The following NRP2 variants were observed in gnomAD, a reference collection of about 807,000 sequenced individuals.
NRP2 encodes neuropilin 2, also known as neuropilin-2.
In NRP2, 52 loss-of-function variants were observed where a neutral mutation model predicts 110.4. The observed-to-expected ratio is 0.47, with a 90% CI of 0.38 to 0.59. The LOEUF is 0.59. Ranked by LOEUF, NRP2 falls within the 20% of genes least tolerant of loss-of-function variation. The pLI is 0.00. For synonymous variants in NRP2, 508 were observed against 468.9 expected (o/e 1.08, Z -1.08); for missense variants, 1,049 against 1,203.0 (o/e 0.87, Z 1.89).
intron 3 of NRP2, among the ~76,000 whole-genome samples, chr2:205,717,878 G>A (rs1007496326): frequency 1.3e-4 from 20 of 152,196 alleles, no homozygotes; most frequent in Non-Finnish European, 2.4e-4. Flanking sequence ...CCCTTTGCAC[G>A]TAACAGATTC....
intron 13 of NRP2, 67 bp downstream of exon 13, chr2:205,764,003 C>A: frequency 6.3e-7 from 1 of 1,587,238 alleles, no homozygotes; most frequent in South Asian, 1.1e-5. Context: ...GCCCATTCAT[C>A]GTTAGGGAAC....
chr2:205,726,125 T>C (rs375470662), intron 6 of NRP2, 43 bp downstream of exon 6: 3 of 1,605,400 alleles, frequency 1.9e-6, no homozygotes, highest in Non-Finnish European at 2.6e-6. Context: ...GTGTATGTAT[T>C]GCTGGGGTAG....
At chr2:205,789,846 G>A (rs868382162) in intron 15 of NRP2, among the ~76,000 whole-genome samples, 3 of 152,332 alleles carry the variant, frequency 2.0e-5, no homozygotes, top group African/African-American at 7.2e-5. Context: ...CTGGTAAAGG[G>A]CAAAGATGCT....
At chr2:205,707,015 C>T (rs891036485) in intron 2 of NRP2, among the ~76,000 whole-genome samples, 5 of 152,212 alleles carry the variant, frequency 3.3e-5, no homozygotes, top group Admixed American at 3.3e-4. Context: ...TTAGAGACTT[C>T]CTGTAATCTG....
chr2:205,728,622 G>A (rs948704960), intron 7 of NRP2, among the ~76,000 whole-genome samples: 9 of 152,220 alleles, frequency 5.9e-5, no homozygotes, highest in African/African-American at 7.2e-5. Context: ...TGCGGCTCCC[G>A]GAGGTGTGGT....
At chr2:205,731,686 G>A (rs1480060488) in intron 7 of NRP2, among the ~76,000 whole-genome samples, 3 of 152,226 alleles carry the variant, frequency 2.0e-5, no homozygotes, top group Non-Finnish European at 2.9e-5. Context: ...GATGCATTTG[G>A]AAGAAATTTG....
At chr2:205,745,063 G>A (rs553459331) in intron 9 of NRP2, among the ~76,000 whole-genome samples, 28 of 152,156 alleles carry the variant, frequency 1.8e-4, no homozygotes, top group Admixed American at 3.3e-4. Context: ...TCCTTCCCCC[G>A]GATGAGTGTC....
chr2:205,706,336 G>A (rs1390745152), intron 2 of NRP2, among the ~76,000 whole-genome samples: 2 of 152,170 alleles, frequency 1.3e-5, no homozygotes, highest in Non-Finnish European at 2.9e-5. Context: ...GGGGGAAATG[G>A]TGGAACAAAT....
At chr2:205,707,720 AG>A (rs1277584950) in intron 2 of NRP2, among the ~76,000 whole-genome samples, 1 of 152,224 alleles carries the variant, frequency 6.6e-6, no homozygotes, top group Non-Finnish European at 1.5e-5. Flanking sequence ...CGTTCCCAGC[AG>A]GCTCCCGTTT....
chr2:205,752,410 C>T (rs2057662676), intron 11 of NRP2: 1 of 292,916 alleles, frequency 3.4e-6, no homozygotes, highest in Non-Finnish European at 6.5e-6. Flanking sequence ...TGGGCTGCCC[C>T]ATCTCCTCTG....
Position 205,752,878 on chromosome 2 carries a change from T to A in NRP2, c.1947T>A (p.Asp649Glu). 1 of 1,614,246 alleles carries A rather than the reference T, an allele frequency of 6.2e-7. No homozygotes were observed. Among genetic ancestry groups the A allele is most frequent in the Non-Finnish European group, 8.5e-7 (1 of 1,180,036 alleles). Reference protein sequence around the residue: ...QLPSGFNCNFDFLEEPCGWMY... With the variant: ...QLPSGFNCNFEFLEEPCGWMY... ...CTTCGGGATTCAATTGCAACTTCGA[T>A]TTCCTCGAGGAGCCCTGTGGTTGGA... is the stretch of plus-strand genomic sequence containing the variant. Residue 649 changes from aspartate to glutamate, a missense_variant, in exon 12 of 17, where the codon GAT (aspartate) becomes GAA (glutamate). Asp to Glu is a conservative substitution (Grantham distance 45). Coordinates refer to ENST00000357785, the MANE Select transcript of NRP2 (RefSeq NM_003872.3).
intron 2 of NRP2, among the ~76,000 whole-genome samples, chr2:205,707,834 A>T (rs1309029173): frequency 6.6e-6 from 1 of 152,100 alleles, no homozygotes; most frequent in East Asian, 1.9e-4. Context: ...CACCCTGCCG[A>T]GTAAAGGGGC....
At chr2:205,782,372 T>G (rs1301605036) in intron 15 of NRP2, among the ~76,000 whole-genome samples, 1 of 152,104 alleles carries the variant, frequency 6.6e-6, no homozygotes, top group African/African-American at 2.4e-5. Flanking sequence ...TGCTTGAGAG[T>G]GTATTGATAC....
intron 15 of NRP2, among the ~76,000 whole-genome samples, chr2:205,768,895 C>T (rs1435676891): frequency 1.3e-5 from 2 of 152,160 alleles, no homozygotes; most frequent in Non-Finnish European, 2.9e-5. Context: ...TGGAGAATTT[C>T]ATTCACCTTG....
intron 12 of NRP2, among the ~76,000 whole-genome samples, chr2:205,760,199 A>T (rs568949840): frequency 1.3e-5 from 2 of 152,126 alleles, no homozygotes; most frequent in African/African-American, 4.8e-5. Context: ...CAATGTGTTC[A>T]TTCCTTTCCC....
chr2:205,708,911 C>A (rs985729098), intron 2 of NRP2, among the ~76,000 whole-genome samples: 1 of 152,156 alleles, frequency 6.6e-6, no homozygotes, highest in South Asian at 2.1e-4. Flanking sequence ...GATGCAGATA[C>A]CCAAACAAAT....
At chr2:205,721,228 T>C (rs1429875714) in intron 3 of NRP2, among the ~76,000 whole-genome samples, 1 of 152,178 alleles carries the variant, frequency 6.6e-6, no homozygotes, top group Non-Finnish European at 1.5e-5. Context: ...CCTAGTTATA[T>C]TTCAGTGTGA....
chr2:205,787,262 C>T (rs1391292596), intron 15 of NRP2, among the ~76,000 whole-genome samples: 3 of 152,164 alleles, frequency 2.0e-5, no homozygotes, highest in African/African-American at 7.2e-5. Context: ...ACGCCGCTTC[C>T]TTCAGTGCAG....
chr2:205,751,255 G>A (rs2057639886), intron 11 of NRP2, among the ~76,000 whole-genome samples: 1 of 152,092 alleles, frequency 6.6e-6, no homozygotes, highest in Non-Finnish European at 1.5e-5. Context: ...CAAAATTTCA[G>A]AAGTTTATTT....
Sources: gnomAD v4.1 joint callset for allele counts (sites outside exome capture counted in the v4.1 genomes callset) on GRCh38, gnomAD v4.1.1 for gene constraint, MANE v1.5 for transcripts, NCBI Gene and HGNC (gene_info 2026-07-23, HGNC 2026-07-21) for gene names.